DEFB1: variants seen among roughly 807,000 people sequenced by gnomAD.
DEFB1 encodes the protein defensin beta 1, also known as beta-defensin 1.
DEFB1 carries 4 observed loss-of-function variants against 2.6 expected under a neutral mutation model. The observed-to-expected ratio is 1.53, with a 90% CI of 0.76 to 3.51. The LOEUF (loss-of-function observed/expected upper bound fraction) is 3.51. Ranked by LOEUF, DEFB1 falls within the 30% of genes most tolerant of loss-of-function variation. The pLI is 0.01. For missense variants in DEFB1, 162 were observed against 76.9 expected, an observed-to-expected ratio of 2.11 and a Z score of -4.14; for synonymous variants, 56 against 28.5, an observed-to-expected ratio of 1.96 and a Z score of -3.07.
At chr8:6,877,379 C>T (rs912652453) in intron 1 of DEFB1, among the ~76,000 whole-genome samples, 4 of 152,232 alleles carry the variant, frequency 2.6e-5, no homozygotes, top group Non-Finnish European at 4.4e-5. Flanking sequence ...GGCGGCAGCA[C>T]CTCACCTGTA....
intron 1 of DEFB1, among the ~76,000 whole-genome samples, chr8:6,876,767 C>A (rs1274860612): frequency 1.3e-5 from 2 of 148,292 alleles, no homozygotes; most frequent in African/African-American, 5.0e-5. Flanking sequence ...CACACCACTG[C>A]ACTTTAGCCT....
At chr8:6,877,422 G>A (rs779566691) in intron 1 of DEFB1, among the ~76,000 whole-genome samples, 6 of 152,236 alleles carry the variant, frequency 3.9e-5, no homozygotes, top group East Asian at 3.8e-4. Flanking sequence ...ACCCAGTGAC[G>A]TGGGCTGAGG....
chr8:6,870,899 G>C (rs758794826), intron 1 of DEFB1, 73 bp from the exon 2 acceptor site: 43 of 1,503,634 alleles, frequency 2.9e-5, no homozygotes, highest in Non-Finnish European at 3.6e-5. Context: ...TCTCGCGAAA[G>C]CAGAACAAAT....
chr8:6,875,809 T>C (rs1354393468), intron 1 of DEFB1, among the ~76,000 whole-genome samples: 13 of 152,132 alleles, frequency 8.5e-5, no homozygotes, highest in Admixed American at 8.5e-4. Flanking sequence ...CCAATAGAAA[T>C]GTGTGCACAA....
chr8:6,876,489 C>T (rs561267278), intron 1 of DEFB1, among the ~76,000 whole-genome samples: 20 of 151,106 alleles, frequency 1.3e-4, no homozygotes, highest in African/African-American at 4.9e-4. Flanking sequence ...AAAAACAAAA[C>T]AAAACAAAAC....
intron 1 of DEFB1, among the ~76,000 whole-genome samples, chr8:6,871,767 C>T (rs889400644): frequency 6.6e-6 from 1 of 152,188 alleles, no homozygotes; most frequent in Admixed American, 6.5e-5. Context: ...CGGTCATCTA[C>T]CAGCCAAGGA....
intron 1 of DEFB1, among the ~76,000 whole-genome samples, chr8:6,876,328 T>A (rs5743438): frequency 0.029 from 4,392 of 151,958 alleles, 229 homozygotes; most frequent in African/African-American, 0.1. Flanking sequence ...ATACAAAAAT[T>A]AGCCAGGCTT....
intron 1 of DEFB1, 50 bp downstream of exon 1, chr8:6,877,747 A>AT (rs775748460): frequency 6.5e-7 from 1 of 1,534,258 alleles, no homozygotes; most frequent in East Asian, 2.3e-5. Context: ...CATCAGCCCC[A>AT]TTGTCCCCAG....
At chr8:6,872,396 G>A (rs5743482) in intron 1 of DEFB1, among the ~76,000 whole-genome samples, 73,772 of 151,834 alleles carry the variant, frequency 0.49, 18,066 homozygotes, top group African/African-American at 0.55. Context: ...TGCATTCATT[G>A]AACAGCAGAT....
chr8:6,872,142 T>A (rs962021494), intron 1 of DEFB1, among the ~76,000 whole-genome samples: 1 of 152,124 alleles, frequency 6.6e-6, no homozygotes, highest in Non-Finnish European at 1.5e-5. Flanking sequence ...TTCATTCTCC[T>A]GTGGATGTGT....
chr8:6,873,855 T>C (rs1806417099), intron 1 of DEFB1, among the ~76,000 whole-genome samples: 1 of 152,218 alleles, frequency 6.6e-6, no homozygotes, highest in African/African-American at 2.4e-5. Context: ...GCCATACTTT[T>C]ACAACCTTTG....
intron 1 of DEFB1, among the ~76,000 whole-genome samples, chr8:6,872,048 T>C (rs1395806200): frequency 1.3e-5 from 2 of 152,146 alleles, no homozygotes; most frequent in East Asian, 3.9e-4. Context: ...AAAGGCTATT[T>C]TTCCACTTTT....
chr8:6,877,881 G>A lies in DEFB1; in HGVS notation c.-24C>T. 6.2e-7 allele frequency: 1 copy of A among 1,612,396 alleles called. No individual in the cohort carries two copies. On this transcript the variant is annotated 5_prime_UTR_variant, in exon 1 of 2. Coordinates refer to ENST00000297439, the MANE Select transcript of DEFB1 (RefSeq NM_005218.4). ...ATGGCGACTGGCAGGCAACACCCAGGATTTCAGGAACTGGGGAGACGCTGG... is the reference window on the plus strand; with the variant it reads ...ATGGCGACTGGCAGGCAACACCCAGAATTTCAGGAACTGGGGAGACGCTGG...
intron 1 of DEFB1, 56 bp from the exon 2 acceptor site, chr8:6,870,882 G>C: frequency 1.3e-6 from 2 of 1,549,906 alleles, no homozygotes; most frequent in Non-Finnish European, 1.7e-6. Flanking sequence ...GCAACGATTT[G>C]AGAACATCTC....
At position 6,872,950 on chromosome 8, in the gene DEFB1, T is replaced by C. The variant is rs56048408; in HGVS notation, c.62-2124A>G. 7.9e-5 allele frequency among the ~76,000 whole-genome samples: 12 copies of C among 152,324 alleles called. No individual in the cohort carries two copies. The South Asian group carries it at 2.5e-3, about 32-fold the overall frequency. On this transcript the variant is annotated intron_variant, in intron 1 of 1. Transcript: ENST00000297439. The stretch of plus-strand genomic sequence containing the variant: ...CTGCGAAAGATGGAACCTCTCCAAG[T>C]GATTATCTGTTATTAGAGAGATCAA...
At position 6,870,757 on chromosome 8, in the gene DEFB1, C is replaced by T. The variant is rs201260899; in HGVS notation, c.131G>A (p.Cys44Tyr). The T allele has an allele frequency of 3.7e-5, 60 of 1,614,228 alleles. No homozygotes were observed. The highest frequency in any genetic ancestry group is 4.8e-5 in the Non-Finnish European group (57 of 1,180,046). The change falls in exon 2 of 2, where the codon TGT becomes TAT. Residue 44 changes from cysteine (C) to tyrosine (Y), a missense_variant. By Grantham distance (194) the Cys-to-Tyr change is radical. Coordinates refer to ENST00000297439, the MANE Select transcript of DEFB1 (RefSeq NM_005218.4). Reference sequence around the variant, plus strand: ...AAAGATCGGGCAGGCAGAATAGAGACATTGCCCTCCACTGCTGACGCAATT... The same window carrying T: ...AAAGATCGGGCAGGCAGAATAGAGATATTGCCCTCCACTGCTGACGCAATT... ...HYNCVSSGGQ[C>Y]LYSACPIFTK...
Position 6,870,811 on chromosome 8 carries a change from G to T in DEFB1, c.77C>A (p.Thr26Lys), listed in dbSNP as rs756670130. The T allele has an allele frequency of 3.7e-6, 6 of 1,613,096 alleles. No individual in the cohort carries two copies. The highest frequency in any genetic ancestry group is 1.6e-4 in the Middle Eastern group (1 of 6,076). Residue 26 changes from threonine to lysine, a missense_variant, in exon 2 of 2, where the codon ACA (threonine) becomes AAA (lysine). By Grantham distance (78) the Thr-to-Lys change is moderately conservative. Transcript: ENST00000297439. ...SEMASGGNFL[T>K]GLGHRSDHYN... ...ATGATCAGATCTGTGGCCAAGGCCTGTGAGAAAGTTACCACCTGTAAGGAG... is the reference window on the plus strand; with the variant it reads ...ATGATCAGATCTGTGGCCAAGGCCTTTGAGAAAGTTACCACCTGTAAGGAG...
At chr8:6,873,936 C>T (rs1806420915) in intron 1 of DEFB1, among the ~76,000 whole-genome samples, 1 of 152,198 alleles carries the variant, frequency 6.6e-6, no homozygotes, top group African/African-American at 2.4e-5. Context: ...CTTTTAAAAG[C>T]ACTTGCCTTT....
intron 1 of DEFB1, among the ~76,000 whole-genome samples, chr8:6,877,350 G>A (rs1215267688): frequency 6.6e-6 from 1 of 152,228 alleles, no homozygotes; most frequent in Non-Finnish European, 1.5e-5. Context: ...GGCACCGGCT[G>A]AGCTGGCCTG....
Sources: allele counts gnomAD v4.1 joint callset (sites outside exome capture counted in the v4.1 genomes callset), GRCh38; gene constraint gnomAD v4.1.1; transcripts MANE v1.5; gene names NCBI Gene and HGNC (gene_info 2026-07-23, HGNC 2026-07-21).